ELF5: variants seen among roughly 807,000 people sequenced by gnomAD.
The protein encoded by ELF5 is ETS-related transcription factor Elf-5.
A neutral mutation model predicts 38.2 loss-of-function variants in ELF5; 31 were observed. That is an observed-to-expected ratio of 0.81 (90% confidence interval 0.61 to 1.10). The LOEUF is 1.10. ELF5 is among the 50% of genes least tolerant of loss of function. ELF5 has a pLI of 0.00. For missense variants in ELF5, 300 were observed against 306.6 expected, an observed-to-expected ratio of 0.98 and a Z score of 0.16; for synonymous variants, 121 against 112.5, an observed-to-expected ratio of 1.08 and a Z score of -0.48.
intron 2 of ELF5, among the ~76,000 whole-genome samples, chr11:34,493,954 A>G (rs1850249337): frequency 1.3e-5 from 2 of 152,188 alleles, no homozygotes; most frequent in African/African-American, 4.8e-5. Context: ...AGAAAGAACC[A>G]GTCTTGGTGC....
intron 5 of ELF5, 74 bp from the exon 6 acceptor site, chr11:34,481,041 G>T (rs1033378068): frequency 3.1e-5 from 38 of 1,206,812 alleles, no homozygotes; most frequent in Non-Finnish European, 4.2e-5. Flanking sequence ...TAATTTTTTT[G>T]AGACAGAGTC....
At chr11:34,480,991 A>C in intron 5 of ELF5, 24 bp from the exon 6 acceptor site, 1 of 1,492,956 alleles carries the variant, frequency 6.7e-7, no homozygotes, top group Non-Finnish European at 9.0e-7. Flanking sequence ...GAAAACATTA[A>C]CTATTTACCA....
At chr11:34,494,546 C>T (rs61882280) in intron 2 of ELF5, among the ~76,000 whole-genome samples, 30,356 of 152,050 alleles carry the variant, frequency 0.2, 3,421 homozygotes, top group South Asian at 0.36. Flanking sequence ...TTAGAGGAGT[C>T]GTGTACATGC....
chr11:34,504,610 T>A (rs1850558857), intron 2 of ELF5, among the ~76,000 whole-genome samples: 1 of 152,242 alleles, frequency 6.6e-6, no homozygotes, highest in African/African-American at 2.4e-5. Flanking sequence ...GAGTCTGGAC[T>A]CCTACATGGG....
At chr11:34,483,856 C>T (rs939537783) in intron 4 of ELF5, among the ~76,000 whole-genome samples, 1 of 74,292 alleles carries the variant, frequency 1.3e-5, no homozygotes, top group Non-Finnish European at 2.7e-5. Flanking sequence ...CTGCACTATA[C>T]TAACTATTCT....
At chr11:34,505,556 C>T (rs548989725) in intron 2 of ELF5, 73 bp downstream of exon 2, 1 of 1,598,848 alleles carries the variant, frequency 6.3e-7, no homozygotes, top group Admixed American at 1.7e-5. Context: ...TTGTCTTCCA[C>T]CTGCGGCCAG....
chr11:34,480,619 C>A (rs1192907098), intron 6 of ELF5, among the ~76,000 whole-genome samples, 153 bp downstream of exon 6: 4 of 152,174 alleles, frequency 2.6e-5, no homozygotes, highest in Admixed American at 1.3e-4. Flanking sequence ...AATTTACAAA[C>A]CATAATCCTA....
chr11:34,487,190 C>T (rs1661062681), intron 4 of ELF5, among the ~76,000 whole-genome samples: 2 of 151,968 alleles, frequency 1.3e-5, no homozygotes, highest in African/African-American at 4.8e-5. Context: ...GGTGTCCTGG[C>T]CAGGGCATTG....
chr11:34,513,554 G>C (rs1379176105), intron 1 of ELF5, 123 bp downstream of exon 1: 2 of 152,406 alleles, frequency 1.3e-5, no homozygotes, highest in African/African-American at 4.8e-5. Context: ...CCCTGGGACT[G>C]CACCCAGCGC....
In ELF5 at chr11:34,485,303, C is replaced by A. The variant is rs76136828; in HGVS notation, c.407-2804G>T. 3.4e-4 allele frequency among the ~76,000 whole-genome samples: 52 copies of A among 152,274 alleles called. No homozygotes were observed. In the East Asian group the frequency reaches 9.4e-3, roughly 28 times the overall value. Reference sequence around the variant, plus strand: ...AGGTGTTCAATAGACATTTAATGAACCATTATTAGCTAAGATTTGTTGAGC... The same window carrying A: ...AGGTGTTCAATAGACATTTAATGAAACATTATTAGCTAAGATTTGTTGAGC... On this transcript the variant is annotated intron_variant, in intron 4 of 6. Transcript: ENST00000257832.
At chr11:34,496,188 G>A (rs1001624610) in intron 2 of ELF5, among the ~76,000 whole-genome samples, 2 of 152,254 alleles carry the variant, frequency 1.3e-5, no homozygotes, top group East Asian at 3.9e-4. Context: ...GCCCCACACC[G>A]GGGAGGTGTT....
intron 6 of ELF5, 63 bp from the exon 7 acceptor site, chr11:34,480,377 C>G: frequency 9.6e-6 from 12 of 1,255,612 alleles, no homozygotes; most frequent in Non-Finnish European, 1.4e-5. Flanking sequence ...CAACAGAACA[C>G]AAACACTGTC....
At chr11:34,513,615 C>G (rs150062199) in intron 1 of ELF5, 62 bp downstream of exon 1, 2 of 152,424 alleles carry the variant, frequency 1.3e-5, no homozygotes, top group African/African-American at 4.8e-5. Flanking sequence ...GGCCCCAGGC[C>G]GAGCCTCTGA....
intron 1 of ELF5, among the ~76,000 whole-genome samples, chr11:34,513,215 TATA>T (rs1263764726): frequency 1.3e-5 from 2 of 151,672 alleles, no homozygotes; most frequent in African/African-American, 4.9e-5. Flanking sequence ...TGCCCCAAAC[TATA>T]ATAAGGGAGT....
chr11:34,513,328 A>G (rs1394232340), intron 1 of ELF5, among the ~76,000 whole-genome samples: 5 of 152,164 alleles, frequency 3.3e-5, no homozygotes, highest in Non-Finnish European at 5.9e-5. Context: ...GAAGCTGAAT[A>G]TTTTTCTGAG....
intron 3 of ELF5, chr11:34,492,385 G>T (rs1000768): frequency 0.49 from 73,745 of 151,960 alleles, 18,793 homozygotes; most frequent in Non-Finnish European, 0.55. Flanking sequence ...CAAACAAGAG[G>T]CGCTGTCATA....
chr11:34,485,173 T>A (rs997720564), intron 4 of ELF5, among the ~76,000 whole-genome samples: 2 of 144,200 alleles, frequency 1.4e-5, no homozygotes, highest in African/African-American at 4.9e-5. Flanking sequence ...TGAGGAGGGA[T>A]TGGAAGTCCA....
At chr11:34,489,734 A>C (rs1850111207) in intron 4 of ELF5, among the ~76,000 whole-genome samples, 1 of 152,254 alleles carries the variant, frequency 6.6e-6, no homozygotes, top group South Asian at 2.1e-4. Flanking sequence ...CATTTCTCAA[A>C]CTTACCACGA....
chr11:34,489,705 C>A (rs2133880127), intron 4 of ELF5, among the ~76,000 whole-genome samples: 1 of 152,314 alleles, frequency 6.6e-6, no homozygotes, highest in Middle Eastern at 3.4e-3. Flanking sequence ...GTGGCGCATG[C>A]TGGGCTCTTT....
Sources: allele counts gnomAD v4.1 joint callset (sites outside exome capture counted in the v4.1 genomes callset), GRCh38; gene constraint gnomAD v4.1.1; transcripts MANE v1.5; gene names NCBI Gene and HGNC (gene_info 2026-07-23, HGNC 2026-07-21).